The following NLRP1 variants were observed in gnomAD, a reference collection of about 807,000 sequenced individuals.
NLRP1 encodes NACHT, LRR and PYD domains-containing protein 1.
In NLRP1, 94 loss-of-function variants were observed where a neutral mutation model predicts 136.7. The ratio of observed to expected loss-of-function variants is 0.69; its 90% CI spans 0.58 to 0.82. The LOEUF is 0.82. Among genes scored for constraint, NLRP1 ranks in the 40% least tolerant of loss-of-function variants. The probability of loss-of-function intolerance (pLI) is 0.00; values close to 1 mark genes in which losing one functional copy is unlikely to be tolerated. For missense variants in NLRP1, 1,575 were observed against 1,802.7 expected (o/e 0.87, Z 2.29); for synonymous variants, 690 against 725.1 (o/e 0.95, Z 0.78).
chr17:5,551,553 A>G (rs1913360097), intron 5 of NLRP1, among the ~76,000 whole-genome samples: 1 of 152,206 alleles, frequency 6.6e-6, no homozygotes, highest in Non-Finnish European at 1.5e-5. Context: ...AAGGAATGCG[A>G]TTGCTGGATC....
At chr17:5,508,505 A>ACAATCATC (rs59235611) in intron 15 of NLRP1, among the ~76,000 whole-genome samples, 91,871 of 151,414 alleles carry the variant, frequency 0.61, 30,444 homozygotes, top group East Asian at 0.96. Flanking sequence ...GCCCTTTGAT[A>ACAATCATC]CTATCCCTTA....
At chr17:5,501,989 C>A in intron 15 of NLRP1, 1 of 884,150 alleles carries the variant, frequency 1.1e-6, no homozygotes, top group African/African-American at 1.6e-5. Flanking sequence ...TCAGAGAACT[C>A]CCTGCCTCCT....
chr17:5,562,081 C>CA (rs1406410340), intron 3 of NLRP1, among the ~76,000 whole-genome samples: 4 of 152,172 alleles, frequency 2.6e-5, no homozygotes, highest in Non-Finnish European at 5.9e-5. Flanking sequence ...GGGAAACACC[C>CA]AGATGGCAGG....
Position 5,553,472 on chromosome 17 carries a change from G to A in NLRP1, c.2442C>T (p.Asp814=). The change falls in exon 5 of 17, where the codon GAC becomes GAT. Residue 814 remains aspartate, a synonymous_variant. Coordinates refer to ENST00000572272, the MANE Select transcript of NLRP1 (RefSeq NM_033004.4). Reference sequence around the variant, plus strand: ...AGTGGCTCAGCGAGTTTCCACTTAGGTCCAGCTCCTTCAGGTTTCTGGTGA... The same window carrying A: ...AGTGGCTCAGCGAGTTTCCACTTAGATCCAGCTCCTTCAGGTTTCTGGTGA... The part of the protein sequence containing the change: ...LKVTRNLKEL[D]LSGNSLSHSA... The A allele has an allele frequency of 6.2e-7, 1 of 1,614,120 alleles. No individual in the cohort carries two copies. The highest frequency in any genetic ancestry group is 8.5e-7 in the Non-Finnish European group (1 of 1,180,012).
At chr17:5,576,874 C>T (rs1366834109) in intron 3 of NLRP1, among the ~76,000 whole-genome samples, 3 of 152,126 alleles carry the variant, frequency 2.0e-5, no homozygotes, top group Non-Finnish European at 4.4e-5. Flanking sequence ...AAAATACTGG[C>T]AAACCGAATC....
At position 5,563,309 on chromosome 17, in the gene NLRP1, T is replaced by A. The variant is rs146239422; in HGVS notation, c.653-3266A>T. Among the ~76,000 whole-genome samples the A allele has an allele frequency of 2.2e-4, 33 of 152,302 alleles. No homozygotes were observed. In the East Asian group the frequency reaches 5.4e-3, roughly 25 times the overall value. On this transcript the variant is annotated intron_variant, in intron 3 of 16. Coordinates refer to ENST00000572272, the MANE Select transcript of NLRP1 (RefSeq NM_033004.4). Reference sequence around the variant, plus strand: ...GAAATGACAGACATAGAATTCAGAATATGAGTAGGAATGAAGATCATTGAG... The same window carrying A: ...GAAATGACAGACATAGAATTCAGAAAATGAGTAGGAATGAAGATCATTGAG...
intron 6 of NLRP1, 30 bp from the exon 7 acceptor site, chr17:5,539,615 C>T (rs989108511): frequency 1.3e-5 from 21 of 1,574,044 alleles, no homozygotes; most frequent in Admixed American, 1.8e-5. Flanking sequence ...CAGCCCAGGT[C>T]ATTGTCCTAA....
At chr17:5,572,234 C>CA (rs1363809522) in intron 3 of NLRP1, among the ~76,000 whole-genome samples, 4 of 152,038 alleles carry the variant, frequency 2.6e-5, no homozygotes, top group East Asian at 3.8e-4. Flanking sequence ...GCAATGAAAA[C>CA]AAAAATTGAC....
Position 5,541,769 on chromosome 17 carries a change from T to C in NLRP1, c.2699+88A>G, listed in dbSNP as rs1911893800. On this transcript the variant is annotated intron_variant, in intron 6 of 16. Transcript: ENST00000572272. This position sits in a 1 kb window ranked among gnomAD's most constrained non-coding sequence, Gnocchi z 4.2. ...GCTCCTCCCACTCCCACAAAGCAGG[T>C]CTCACCTTCTCTCTGCTCTTACCCT... 2.2e-6 allele frequency: 3 copies of C among 1,344,790 alleles called. No homozygotes were observed. The highest frequency in any genetic ancestry group is 2.9e-5 in the African/African-American group (2 of 69,150). The allele number at this position is 1,344,790 out of a possible 1,614,324, so 83.3% of individuals were successfully genotyped here.
chr17:5,506,679 G>T (rs1907350279), intron 15 of NLRP1, among the ~76,000 whole-genome samples: 2 of 151,096 alleles, frequency 1.3e-5, no homozygotes, highest in South Asian at 4.2e-4. Flanking sequence ...ATCACCTGAG[G>T]TCAGGAGTTT....
At chr17:5,554,153 C>G (rs1194818836) in intron 4 of NLRP1, among the ~76,000 whole-genome samples, 4 of 152,108 alleles carry the variant, frequency 2.6e-5, no homozygotes, top group Admixed American at 2.6e-4. Flanking sequence ...GGTTGGCTCA[C>G]ATGGGACCCT....
intron 3 of NLRP1, among the ~76,000 whole-genome samples, chr17:5,565,145 G>C (rs569914921): frequency 2.0e-5 from 3 of 152,300 alleles, no homozygotes; most frequent in African/African-American, 7.2e-5. Flanking sequence ...ACCCTCACAA[G>C]AATTTGTTCT....
intron 3 of NLRP1, among the ~76,000 whole-genome samples, chr17:5,576,009 C>G (rs527260271): frequency 1.3e-5 from 2 of 152,316 alleles, no homozygotes; most frequent in African/African-American, 2.4e-5. Context: ...ACTGAACAAC[C>G]TGCTCCTGAA....
Position 5,582,664 on chromosome 17 carries a change from C to A in NLRP1, c.448+6G>T. On this transcript the variant is annotated splice_donor_region_variant and intron_variant, in intron 2 of 16. Transcript: ENST00000572272. ...AGGGCTGTCAGCCTGCCTCAGCAAG[C>A]CTCACCTCTCCAGCGGCGTCCAGAT... The A allele has an allele frequency of 6.2e-7, 1 of 1,613,912 alleles. No individual in the cohort carries two copies. The highest frequency in any genetic ancestry group is 2.2e-5 in the East Asian group (1 of 44,872).
At chr17:5,568,752 T>C (rs969866096) in intron 3 of NLRP1, among the ~76,000 whole-genome samples, 2 of 152,170 alleles carry the variant, frequency 1.3e-5, no homozygotes, top group African/African-American at 4.8e-5. Context: ...CATTTCTGCT[T>C]TAGAGGGCAC....
intron 12 of NLRP1, among the ~76,000 whole-genome samples, chr17:5,527,129 T>C (rs1210970956): frequency 6.6e-6 from 1 of 152,196 alleles, no homozygotes; most frequent in Non-Finnish European, 1.5e-5. Context: ...CCTCTGTGCA[T>C]TTTGCCTCTT....
intron 4 of NLRP1, 123 bp downstream of exon 4, chr17:5,558,216 G>A: frequency 1.0e-6 from 1 of 980,898 alleles, no homozygotes; most frequent in Non-Finnish European, 1.5e-6. Flanking sequence ...AGTCACTGGA[G>A]ACCCTGATCC....
At position 5,542,038 on chromosome 17, in the gene NLRP1, C is replaced by T. The variant is rs756059032; in HGVS notation, c.2529-11G>A. The T allele has an allele frequency of 6.2e-7, 1 of 1,611,248 alleles. No homozygotes were observed. The highest frequency in any genetic ancestry group is 1.1e-5 in the South Asian group (1 of 90,726). On this transcript the variant is annotated splice_polypyrimidine_tract_variant and intron_variant, in intron 5 of 16. Transcript: ENST00000572272. ...CCACAGCCAGCCAACCTGTGGAAGA[C>T]ACACACCCATGGTCTTCAGGTTACT... is the stretch of plus-strand genomic sequence containing the variant.
intron 15 of NLRP1, among the ~76,000 whole-genome samples, chr17:5,507,471 GATTGCTTGAGTC>G (rs1357622575): frequency 6.6e-6 from 1 of 152,208 alleles, no homozygotes; most frequent in African/African-American, 2.4e-5. Flanking sequence ...GAGGTGGGCA[GATTGCTTGAGTC>G]CAGGAGTTCC....
Sources: allele counts gnomAD v4.1 joint callset (sites outside exome capture counted in the v4.1 genomes callset), GRCh38; gene constraint gnomAD v4.1.1; non-coding constraint Gnocchi (gnomAD v3.1); transcripts MANE v1.5; gene names NCBI Gene and HGNC (gene_info 2026-07-23, HGNC 2026-07-21).